Variants in MCPH1 observed in about 807,000 individuals in gnomAD.
MCPH1 encodes microcephalin.
Under a neutral mutation model 84.5 loss-of-function variants are expected in MCPH1, and 104 were observed. The ratio of observed to expected loss-of-function variants is 1.23; its 90% CI spans 1.05 to 1.45. The LOEUF is 1.45. Ranked by LOEUF, MCPH1 falls within the 40% of genes most tolerant of loss-of-function variation. The pLI is 0.00. For missense variants in MCPH1, 1,498 were observed against 1,005.7 expected (o/e 1.49, Z -6.62); for synonymous variants, 514 against 366.8 (o/e 1.40, Z -4.58).
At chr8:6,594,711 AGGGGACTG>A (rs1828789741) in intron 12 of MCPH1, among the ~76,000 whole-genome samples, 1 of 151,824 alleles carries the variant, frequency 6.6e-6, no homozygotes, top group Non-Finnish European at 1.5e-5. Context: ...AGGGGACTGC[AGGGGACTG>A]CAGGGGAAGG....
intron 12 of MCPH1, among the ~76,000 whole-genome samples, chr8:6,547,345 G>A (rs1042306598): frequency 1.3e-5 from 2 of 151,900 alleles, no homozygotes; most frequent in African/African-American, 2.4e-5. Flanking sequence ...CTGGAGGTCC[G>A]CCCCCTCTCT....
chr8:6,502,549 CACTA>C (rs1418616311), intron 12 of MCPH1: 3 of 152,206 alleles, frequency 2.0e-5, no homozygotes, highest in Admixed American at 6.5e-5. Context: ...AGTAAAAATG[CACTA>C]ACTGTTTTTC....
intron 12 of MCPH1, among the ~76,000 whole-genome samples, chr8:6,606,964 A>T (rs1011643327): frequency 1.3e-5 from 2 of 152,196 alleles, no homozygotes; most frequent in African/African-American, 2.4e-5. Flanking sequence ...AAGTCCATTA[A>T]ACCTCTTTCT....
intron 9 of MCPH1, among the ~76,000 whole-genome samples, chr8:6,461,468 A>G (rs1806287563): frequency 6.6e-6 from 1 of 150,818 alleles, no homozygotes. Context: ...CTGGGATTAT[A>G]GGTACCTGCC....
intron 11 of MCPH1, among the ~76,000 whole-genome samples, chr8:6,486,006 G>T (rs1008081784): frequency 1.3e-5 from 2 of 152,064 alleles, no homozygotes; most frequent in African/African-American, 4.8e-5. Flanking sequence ...GATGACTGCT[G>T]CTTCTTGCAT....
At chr8:6,602,783 G>A (rs1184023205) in intron 12 of MCPH1, among the ~76,000 whole-genome samples, 2 of 151,768 alleles carry the variant, frequency 1.3e-5, no homozygotes. Context: ...CTCTGCTCCT[G>A]TTCTGACCTC....
chr8:6,621,350 G>C, intron 12 of MCPH1, 104 bp from the exon 13 acceptor site: 2 of 1,385,740 alleles, frequency 1.4e-6, no homozygotes, highest in Admixed American at 1.7e-5. Flanking sequence ...CTTACATTCA[G>C]TCTATTCTTT....
intron 11 of MCPH1, among the ~76,000 whole-genome samples, chr8:6,483,364 C>T (rs1362650660): frequency 1.3e-5 from 2 of 152,054 alleles, no homozygotes; most frequent in Non-Finnish European, 2.9e-5. Context: ...CCAGAATAGC[C>T]AAAACAATTT....
At chr8:6,474,997 G>C (rs912693975) in intron 9 of MCPH1, among the ~76,000 whole-genome samples, 1 of 152,092 alleles carries the variant, frequency 6.6e-6, no homozygotes, top group East Asian at 1.9e-4. Context: ...ACTTTTTTTA[G>C]TGCTGTTGAA....
Position 6,477,625 on chromosome 8 carries a change from C to T in MCPH1, c.1967C>T (p.Pro656Leu). 7 of 1,612,436 alleles carry T rather than the reference C, an allele frequency of 4.3e-6. No individual in the cohort carries two copies. The highest frequency in any genetic ancestry group is 1.1e-5 in the South Asian group (1 of 91,036). Residue 656 changes from proline to leucine, a missense_variant, in exon 10 of 14, where the codon CCA becomes CTA. Transcript: ENST00000344683. ...AGAACATTAGTCATGACAAGCATGCCATCTGAGTAAGTACTTGTTTTGATT... is the reference window on the plus strand; with the variant it reads ...AGAACATTAGTCATGACAAGCATGCTATCTGAGTAAGTACTTGTTTTGATT... ...PTRTLVMTSM[P>L]SEKQNVVIQV...
At chr8:6,474,225 C>T (rs369920417) in intron 9 of MCPH1, 30 of 636,528 alleles carry the variant, frequency 4.7e-5, no homozygotes, top group African/African-American at 1.8e-5. Flanking sequence ...TCATCATAGT[C>T]GTCATACAAT....
intron 12 of MCPH1, among the ~76,000 whole-genome samples, chr8:6,537,298 T>A (rs1820676356): frequency 6.6e-6 from 1 of 152,126 alleles, no homozygotes; most frequent in South Asian, 2.1e-4. Flanking sequence ...ACAGTGTGTG[T>A]TTATTTTGTC....
intron 12 of MCPH1, among the ~76,000 whole-genome samples, chr8:6,560,734 C>T (rs1825404217): frequency 6.6e-6 from 1 of 152,198 alleles, no homozygotes; most frequent in Non-Finnish European, 1.5e-5. Flanking sequence ...GGTCGCCTAA[C>T]ATAGAACTCG....
intron 11 of MCPH1, among the ~76,000 whole-genome samples, chr8:6,498,923 G>A (rs1341073272): frequency 2.0e-5 from 3 of 152,080 alleles, no homozygotes; most frequent in East Asian, 3.9e-4. Flanking sequence ...GTGGTGGTGG[G>A]CGCCTGTGGT....
At chr8:6,606,867 A>G (rs998685407) in intron 12 of MCPH1, among the ~76,000 whole-genome samples, 4 of 152,134 alleles carry the variant, frequency 2.6e-5, no homozygotes, top group African/African-American at 9.7e-5. Context: ...TCCCTGCACA[A>G]GCTCTCTTCT....
chr8:6,435,582 G>A (rs1037205450), intron 4 of MCPH1, among the ~76,000 whole-genome samples: 9 of 152,116 alleles, frequency 5.9e-5, no homozygotes, highest in Admixed American at 2.6e-4. Context: ...TTTGGCCCCC[G>A]TTCCTTGGTC....
At chr8:6,449,970 C>T (rs985965719) in intron 8 of MCPH1, among the ~76,000 whole-genome samples, 3 of 147,032 alleles carry the variant, frequency 2.0e-5, no homozygotes, top group African/African-American at 7.5e-5. Context: ...CCTATAGGTG[C>T]CGTGTGTTCA....
At chr8:6,562,712 C>T in intron 12 of MCPH1, 2 of 1,613,330 alleles carry the variant, frequency 1.2e-6, no homozygotes, top group South Asian at 1.1e-5. Context: ...TGCACCGAGT[C>T]ATCGTATTCG....
chr8:6,445,714 G>C, intron 8 of MCPH1, 167 bp downstream of exon 8: 1 of 1,412,076 alleles, frequency 7.1e-7, no homozygotes. Context: ...TTTAGGAATA[G>C]ATGACTTGCT....
Sources: gnomAD v4.1 joint callset for allele counts (sites outside exome capture counted in the v4.1 genomes callset) on GRCh38, gnomAD v4.1.1 for gene constraint, MANE v1.5 for transcripts, NCBI Gene and HGNC (gene_info 2026-07-23, HGNC 2026-07-21) for gene names.